MCOLN2: variants seen among roughly 807,000 people sequenced by gnomAD.
MCOLN2 encodes the protein mucolipin TRP cation channel 2, also known as mucolipin-2.
In MCOLN2, 57 loss-of-function variants were observed where a neutral mutation model predicts 67.5. The ratio of observed to expected loss-of-function variants is 0.84; its 90% CI spans 0.68 to 1.05. The LOEUF is 1.05. Ranked by LOEUF, MCOLN2 falls within the 50% of genes least tolerant of loss-of-function variation. MCOLN2 has a pLI of 0.00. For synonymous variants in MCOLN2, 246 were observed against 233.3 expected (o/e 1.05, Z -0.50); for missense variants, 620 against 678.8 (o/e 0.91, Z 0.96).
chr1:84,970,515 C>CAA (rs536266906), intron 1 of MCOLN2, among the ~76,000 whole-genome samples: 26 of 104,840 alleles, frequency 2.5e-4, no homozygotes, highest in East Asian at 2.1e-3. Context: ...ACTAAAAATA[C>CAA]AAAAAAAAAA....
At chr1:84,993,852 G>A (rs1010869729) in intron 1 of MCOLN2, among the ~76,000 whole-genome samples, 1 of 151,338 alleles carries the variant, frequency 6.6e-6, no homozygotes, top group Admixed American at 6.6e-5. Flanking sequence ...GGATGGTCTC[G>A]ATCTCCTGAC....
chr1:84,997,080 G>A lies in MCOLN2; in HGVS notation c.-208C>T, dbSNP rs1651197648. On this transcript the variant is annotated 5_prime_UTR_variant, in exon 1 of 14. Transcript: ENST00000370608. ...GCGCCGCAGTCGTGGAGTGCGGCGG[G>A]CAGTTCTCGGGCGGCTGAAAGGCGG... 3 of 586,890 alleles carry A rather than the reference G, an allele frequency of 5.1e-6. No individual in the cohort carries two copies. Among genetic ancestry groups the A allele is most frequent in the Non-Finnish European group, 6.0e-6 (2 of 331,768 alleles). The allele number at this position is 586,890 out of a possible 1,614,324, so 36.4% of individuals were successfully genotyped here.
chr1:84,930,410 T>C (rs1035569877), intron 12 of MCOLN2, among the ~76,000 whole-genome samples: 1 of 152,034 alleles, frequency 6.6e-6, no homozygotes, highest in Non-Finnish European at 1.5e-5. Context: ...GGTCGCTTAG[T>C]GGAACAGAAG....
intron 4 of MCOLN2, among the ~76,000 whole-genome samples, chr1:84,954,217 G>A (rs930505344): frequency 3.3e-5 from 5 of 152,128 alleles, no homozygotes; most frequent in African/African-American, 1.2e-4. Flanking sequence ...CAGAAACAGG[G>A]CCCAGAGCTA....
Position 84,952,401 on chromosome 1 carries a change from T to C in MCOLN2, c.650+45A>G, listed in dbSNP as rs565832522. ...ATCTTACTATATACTATTCTCCTTC[T>C]CCCACCCTCATCTCTTAGGGAATAA... is the stretch of plus-strand genomic sequence containing the variant. On this transcript the variant is annotated intron_variant, in intron 5 of 13. Coordinates refer to ENST00000370608, the MANE Select transcript of MCOLN2 (RefSeq NM_153259.4). 1.2e-5 allele frequency: 19 copies of C among 1,567,408 alleles called. No homozygotes were observed. The South Asian group carries it at 1.8e-4, about 15-fold the overall frequency.
intron 11 of MCOLN2, among the ~76,000 whole-genome samples, chr1:84,935,712 C>T (rs2102806835): frequency 6.6e-6 from 1 of 152,198 alleles, no homozygotes; most frequent in Non-Finnish European, 1.5e-5. Context: ...ATAGGCAAGG[C>T]TCTCAATTGT....
chr1:84,991,164 CT>C (rs1650872787), intron 1 of MCOLN2, among the ~76,000 whole-genome samples: 1 of 151,900 alleles, frequency 6.6e-6, no homozygotes, highest in Non-Finnish European at 1.5e-5. Flanking sequence ...AAGAAAGAGT[CT>C]GGTATGTATC....
At chr1:84,957,272 A>G (rs1648843996) in intron 3 of MCOLN2, among the ~76,000 whole-genome samples, 1 of 151,892 alleles carries the variant, frequency 6.6e-6, no homozygotes, top group Non-Finnish European at 1.5e-5. Flanking sequence ...AGCCATCCAC[A>G]CTCCACAGCT....
chr1:84,981,819 C>T (rs549121524), intron 1 of MCOLN2, among the ~76,000 whole-genome samples: 7 of 152,274 alleles, frequency 4.6e-5, no homozygotes, highest in Admixed American at 3.9e-4. Flanking sequence ...TATAATTGGA[C>T]TGTCTGTAAC....
At chr1:84,963,454 A>T (rs1303802629) in intron 2 of MCOLN2, among the ~76,000 whole-genome samples, 1 of 152,198 alleles carries the variant, frequency 6.6e-6, no homozygotes, top group Non-Finnish European at 1.5e-5. Flanking sequence ...AAGAATCAAT[A>T]AGATTTAGTA....
intron 2 of MCOLN2, among the ~76,000 whole-genome samples, chr1:84,959,642 C>CT (rs1648974844): frequency 6.6e-6 from 1 of 152,158 alleles, no homozygotes; most frequent in South Asian, 2.1e-4. Flanking sequence ...AGTCAAATCT[C>CT]TATAAGCCCT....
At chr1:84,930,177 C>A (rs1307235887) in intron 12 of MCOLN2, among the ~76,000 whole-genome samples, 1 of 151,578 alleles carries the variant, frequency 6.6e-6, no homozygotes, top group Non-Finnish European at 1.5e-5. Flanking sequence ...GCAGGAGGAT[C>A]GACTGAGCCC....
intron 12 of MCOLN2, 22 bp from the exon 13 acceptor site, chr1:84,929,701 G>A: frequency 2.5e-6 from 4 of 1,601,012 alleles, no homozygotes; most frequent in East Asian, 2.2e-5. Context: ...ACACAATGTT[G>A]TTACCTTATT....
intron 11 of MCOLN2, among the ~76,000 whole-genome samples, chr1:84,934,943 C>T (rs1647340235): frequency 6.6e-6 from 1 of 152,184 alleles, no homozygotes; most frequent in African/African-American, 2.4e-5. Context: ...GGGACCCCAG[C>T]TATCAGTCAA....
intron 11 of MCOLN2, among the ~76,000 whole-genome samples, chr1:84,934,343 T>C (rs182870974): frequency 0.014 from 2,148 of 152,170 alleles, 51 homozygotes; most frequent in African/African-American, 0.049. Flanking sequence ...ATAGGTTCTC[T>C]GGGCCCACGA....
chr1:84,940,595 T>C (rs1647710298), intron 8 of MCOLN2, among the ~76,000 whole-genome samples: 1 of 152,240 alleles, frequency 6.6e-6, no homozygotes, highest in Admixed American at 6.5e-5. Flanking sequence ...GATTTGTTAT[T>C]CTGGAAACAT....
chr1:84,930,510 C>G (rs955334406), intron 12 of MCOLN2, among the ~76,000 whole-genome samples: 1 of 152,070 alleles, frequency 6.6e-6, no homozygotes, highest in Non-Finnish European at 1.5e-5. Flanking sequence ...GCCCCCACCA[C>G]GCAGAGACAT....
Position 84,986,543 on chromosome 1 carries a change from C to CAA in MCOLN2, c.77+10251_77+10252dup, listed in dbSNP as rs570093444. ...GGGTAACAAGATCAAAACTCCATCT[C>CAA]AAAAAAAAAAAAAAAAAAGCTTCTG... is the stretch of plus-strand genomic sequence containing the variant. On this transcript the variant is annotated intron_variant, in intron 1 of 13. Transcript: ENST00000370608. 2.5e-3 allele frequency among the ~76,000 whole-genome samples: 125 copies of CAA among 49,316 alleles called. 1 individual carries two copies. Among genetic ancestry groups the CAA allele is most frequent in the African/African-American group, 6.3e-3 (79 of 12,542 alleles). The allele number at this position is 49,316 out of a possible 152,430, so 32.4% of individuals were successfully genotyped here.
chr1:84,977,497 A>C (rs1162244003), intron 1 of MCOLN2, among the ~76,000 whole-genome samples: 4 of 152,124 alleles, frequency 2.6e-5, no homozygotes, highest in African/African-American at 7.2e-5. Flanking sequence ...CAAAAAATAC[A>C]CTTCACCTAT....
Sources: gnomAD v4.1 joint callset for allele counts (sites outside exome capture counted in the v4.1 genomes callset) on GRCh38, gnomAD v4.1.1 for gene constraint, MANE v1.5 for transcripts, NCBI Gene and HGNC (gene_info 2026-07-23, HGNC 2026-07-21) for gene names.